The following GPC5 variants were observed in gnomAD, a reference collection of about 807,000 sequenced individuals.
GPC5 encodes the protein glypican-5.
GPC5 carries 47 observed loss-of-function variants against 53.9 expected under a neutral mutation model. That is an observed-to-expected ratio of 0.87 (90% CI 0.69 to 1.11). GPC5 has a LOEUF of 1.11. Ranked by LOEUF, GPC5 falls within the 50% of genes most tolerant of loss-of-function variation. The pLI is 0.00. For missense variants in GPC5, 748 were observed against 713.1 expected (o/e 1.05, Z -0.56); for synonymous variants, 286 against 263.3 (o/e 1.09, Z -0.84).
intron 7 of GPC5, among the ~76,000 whole-genome samples, chr13:92,307,731 G>A (rs2139205837): frequency 6.6e-6 from 1 of 152,304 alleles, no homozygotes; most frequent in African/African-American, 2.4e-5. Context: ...TGAGGTAGGT[G>A]CTGGGATAAA....
chr13:92,485,143 ATGGAG>A (rs1879506791), intron 7 of GPC5, among the ~76,000 whole-genome samples: 1 of 152,184 alleles, frequency 6.6e-6, no homozygotes, highest in Non-Finnish European at 1.5e-5. Context: ...TGGAAGTTTG[ATGGAG>A]GCAAGTCTGT....
chr13:92,038,315 G>A (rs1363853459), intron 6 of GPC5, among the ~76,000 whole-genome samples: 1 of 151,346 alleles, frequency 6.6e-6, no homozygotes, highest in Non-Finnish European at 1.5e-5. Context: ...GGCACTTGGT[G>A]TATAAGATTG....
intron 2 of GPC5, among the ~76,000 whole-genome samples, chr13:91,473,167 C>A (rs1056093472): frequency 6.6e-6 from 1 of 152,066 alleles, no homozygotes; most frequent in African/African-American, 2.4e-5. Flanking sequence ...CACTCAGTGT[C>A]ACAAGAACAA....
At chr13:91,863,586 A>G (rs1357088259) in intron 5 of GPC5, among the ~76,000 whole-genome samples, 2 of 151,968 alleles carry the variant, frequency 1.3e-5, no homozygotes, top group East Asian at 1.9e-4. Flanking sequence ...ATTTTTTCCT[A>G]TAGGGATACC....
intron 7 of GPC5, among the ~76,000 whole-genome samples, chr13:92,165,344 C>T (rs61196333): frequency 0.052 from 7,920 of 152,092 alleles, 504 homozygotes; most frequent in African/African-American, 0.15. Context: ...TAAGAGTTTC[C>T]GGTACCAATT....
At chr13:92,404,518 A>G (rs1218656572) in intron 7 of GPC5, among the ~76,000 whole-genome samples, 1 of 152,264 alleles carries the variant, frequency 6.6e-6, no homozygotes, top group Non-Finnish European at 1.5e-5. Context: ...AAGTGAGTGC[A>G]TAATATTCCT....
intron 7 of GPC5, among the ~76,000 whole-genome samples, chr13:92,183,020 G>T (rs1321299639): frequency 6.6e-6 from 1 of 152,136 alleles, no homozygotes; most frequent in Non-Finnish European, 1.5e-5. Context: ...GTTAATGTTT[G>T]TTTTATGATA....
chr13:92,060,672 T>C (rs1470479341), intron 6 of GPC5, among the ~76,000 whole-genome samples: 1 of 152,100 alleles, frequency 6.6e-6, no homozygotes, highest in African/African-American at 2.4e-5. Flanking sequence ...TAGGTCTATG[T>C]AGTTTTATTG....
chr13:91,825,894 T>A (rs1177144199), intron 5 of GPC5, among the ~76,000 whole-genome samples: 5 of 152,096 alleles, frequency 3.3e-5, no homozygotes, highest in Non-Finnish European at 5.9e-5. Flanking sequence ...TTTGGCTTAC[T>A]CCTCAACAGT....
chr13:91,896,724 C>T (rs192948109), intron 5 of GPC5, among the ~76,000 whole-genome samples: 2 of 152,154 alleles, frequency 1.3e-5, no homozygotes, highest in Admixed American at 6.6e-5. Flanking sequence ...GCACATTTTT[C>T]CTATACTGAG....
intron 2 of GPC5, among the ~76,000 whole-genome samples, chr13:91,636,206 CAT>C (rs1418310979): frequency 1.3e-5 from 2 of 152,050 alleles, no homozygotes; most frequent in African/African-American, 2.4e-5. Context: ...GCACCATTTA[CAT>C]ATATCTTTCC....
intron 6 of GPC5, among the ~76,000 whole-genome samples, chr13:92,022,330 G>C (rs1014089016): frequency 2.6e-5 from 4 of 152,006 alleles, no homozygotes; most frequent in Non-Finnish European, 5.9e-5. Flanking sequence ...TAGCAGTTGT[G>C]GGGGAGATTC....
intron 7 of GPC5, among the ~76,000 whole-genome samples, chr13:92,830,468 G>A (rs1878010562): frequency 6.6e-6 from 1 of 151,982 alleles, no homozygotes; most frequent in Non-Finnish European, 1.5e-5. Flanking sequence ...AGTTAAAGAT[G>A]TTTCTGAATA....
intron 7 of GPC5, among the ~76,000 whole-genome samples, chr13:92,186,920 C>T (rs943000081): frequency 6.6e-6 from 1 of 152,014 alleles, no homozygotes; most frequent in Admixed American, 6.6e-5. Flanking sequence ...GAGACTAGCC[C>T]GGCCAACATG....
At chr13:92,255,629 C>A (rs944956460) in intron 7 of GPC5, among the ~76,000 whole-genome samples, 1 of 152,044 alleles carries the variant, frequency 6.6e-6, no homozygotes, top group Non-Finnish European at 1.5e-5. Flanking sequence ...GTTGTTCAGG[C>A]AGATGTTTCC....
intron 7 of GPC5, among the ~76,000 whole-genome samples, chr13:92,845,866 G>T (rs1878595429): frequency 6.9e-6 from 1 of 144,900 alleles, no homozygotes; most frequent in African/African-American, 2.5e-5. Flanking sequence ...AAATATACAG[G>T]TATCTAGTTG....
chr13:92,464,075 A>C (rs1252789311), intron 7 of GPC5, among the ~76,000 whole-genome samples: 1 of 152,192 alleles, frequency 6.6e-6, no homozygotes, highest in Non-Finnish European at 1.5e-5. Context: ...TGGTGTCATC[A>C]GTGTTCTGAG....
chr13:91,893,207 C>T (rs1202507038), intron 5 of GPC5, among the ~76,000 whole-genome samples: 1 of 152,030 alleles, frequency 6.6e-6, no homozygotes, highest in Non-Finnish European at 1.5e-5. Flanking sequence ...ATCCTAACAC[C>T]TTGAAACATC....
At chr13:91,901,927 G>A (rs570580604) in intron 5 of GPC5, among the ~76,000 whole-genome samples, 1 of 151,834 alleles carries the variant, frequency 6.6e-6, no homozygotes, top group Admixed American at 6.6e-5. Context: ...CCACAACATG[G>A]CCCCCATTCT....
Sources: gnomAD v4.1 joint callset for allele counts (sites outside exome capture counted in the v4.1 genomes callset) on GRCh38, gnomAD v4.1.1 for gene constraint, MANE v1.5 for transcripts, NCBI Gene and HGNC (gene_info 2026-07-23, HGNC 2026-07-21) for gene names.